Variants in PTPRN2 observed in about 807,000 individuals in gnomAD.
PTPRN2 encodes protein tyrosine phosphatase receptor type N2.
Under a neutral mutation model 118.8 loss-of-function variants are expected in PTPRN2, and 74 were observed. That is an observed-to-expected ratio of 0.62 (90% CI 0.52 to 0.76). PTPRN2 has a LOEUF of 0.76. PTPRN2 is among the 30% of genes least tolerant of loss of function. The pLI is 0.00. For missense variants in PTPRN2, 1,481 were observed against 1,394.4 expected, an observed-to-expected ratio of 1.06 and a Z score of -0.99; for synonymous variants, 641 against 608.0, an observed-to-expected ratio of 1.05 and a Z score of -0.80.
At chr7:157,758,769 C>G (rs74459896) in intron 12 of PTPRN2, among the ~76,000 whole-genome samples, 2 of 152,172 alleles carry the variant, frequency 1.3e-5, no homozygotes, top group Non-Finnish European at 2.9e-5. Flanking sequence ...CACGCTACCC[C>G]CCAACCCTTG....
At chr7:158,227,776 CCTT>C (rs1352462230) in intron 3 of PTPRN2, among the ~76,000 whole-genome samples, 3 of 152,188 alleles carry the variant, frequency 2.0e-5, no homozygotes, top group African/African-American at 7.2e-5. Flanking sequence ...AGGAAACACT[CCTT>C]AAGAAGATGA....
rs542573190 is a variant in PTPRN2, at chr7:158,526,283, G to A, written c.113-36498C>T. On this transcript the variant is annotated intron_variant, in intron 1 of 22. Coordinates refer to ENST00000389418, the MANE Select transcript of PTPRN2 (RefSeq NM_002847.5). This position sits in a 1 kb window ranked among gnomAD's most constrained non-coding sequence, Gnocchi z 5.2. ...GCCCTCCCTGCCCACCTGTGGCGGC[G>A]AAGGGAACTGACACCACTCCTTCCC... Among the ~76,000 whole-genome samples, 332 of 152,262 alleles carry A rather than the reference G, an allele frequency of 2.2e-3. 1 individual carries two copies. Among genetic ancestry groups the A allele is most frequent in the African/African-American group, 7.1e-3 (297 of 41,562 alleles).
chr7:158,200,256 A>G (rs1165673978), intron 4 of PTPRN2, among the ~76,000 whole-genome samples: 2 of 152,236 alleles, frequency 1.3e-5, no homozygotes, highest in African/African-American at 2.4e-5. Flanking sequence ...ACAAAAACAA[A>G]GAGGAAGCAG....
intron 11 of PTPRN2, among the ~76,000 whole-genome samples, chr7:157,979,624 T>C (rs1282883983): frequency 6.6e-6 from 1 of 152,186 alleles, no homozygotes; most frequent in Non-Finnish European, 1.5e-5. Context: ...AGAAGAGCCA[T>C]GCAGCCCGGC....
At chr7:158,327,891 C>T (rs1803784456) in intron 2 of PTPRN2, among the ~76,000 whole-genome samples, 1 of 152,160 alleles carries the variant, frequency 6.6e-6, no homozygotes, top group African/African-American at 2.4e-5. Flanking sequence ...CTTCTCAAAG[C>T]AGCACCACAG....
At chr7:158,166,861 C>T (rs573909302) in intron 6 of PTPRN2, 70 bp downstream of exon 6, 128 of 1,392,232 alleles carry the variant, frequency 9.2e-5, no homozygotes, top group Non-Finnish European at 1.1e-4. Flanking sequence ...GAGCATGGTG[C>T]GTCTGTCACT....
chr7:157,568,873 G>T lies in PTPRN2; in HGVS notation c.2902+29C>A, dbSNP rs768578494. The T allele has an allele frequency of 3.3e-6, 5 of 1,532,158 alleles. No individual in the cohort carries two copies. In the Admixed American group the frequency reaches 8.4e-5, roughly 26 times the overall value. The allele number at this position is 1,532,158 out of a possible 1,614,324, so 94.9% of individuals were successfully genotyped here. On this transcript the variant is annotated intron_variant, in intron 21 of 22. Coordinates refer to ENST00000389418, the MANE Select transcript of PTPRN2 (RefSeq NM_002847.5). ...AGCGACGCCATCCCAGCTCTGAGCC[G>T]CAACAAAGCGGCAGTGTCTGTGTCT...
chr7:157,719,129 T>G (rs900723087), intron 12 of PTPRN2, among the ~76,000 whole-genome samples: 2 of 152,082 alleles, frequency 1.3e-5, no homozygotes, highest in Non-Finnish European at 2.9e-5. Context: ...CATCTCCCAT[T>G]CCTGCCTCTC....
intron 10 of PTPRN2, among the ~76,000 whole-genome samples, chr7:158,109,908 G>C (rs1182478234): frequency 6.6e-6 from 1 of 152,040 alleles, no homozygotes; most frequent in African/African-American, 2.4e-5. Flanking sequence ...CCTGTGTGAA[G>C]AGTCAGTGAG....
At chr7:158,110,996 C>G in intron 9 of PTPRN2, 81 bp from the exon 10 acceptor site, 1 of 1,239,488 alleles carries the variant, frequency 8.1e-7, no homozygotes, top group East Asian at 2.5e-5. Flanking sequence ...GCCCCACAGC[C>G]CCGCTCCCTG....
At chr7:158,071,612 C>CCTG (rs766012678) in intron 11 of PTPRN2, among the ~76,000 whole-genome samples, 1 of 30,572 alleles carries the variant, frequency 3.3e-5, no homozygotes. Context: ...TGGAGGTGCT[C>CCTG]GTGGTGGAGG....
chr7:157,578,677 T>C (rs1800184820), intron 17 of PTPRN2, among the ~76,000 whole-genome samples: 1 of 152,246 alleles, frequency 6.6e-6, no homozygotes, highest in African/African-American at 2.4e-5. Context: ...TTAAAGCAAA[T>C]ACCAAATTGA....
intron 1 of PTPRN2, among the ~76,000 whole-genome samples, chr7:158,569,905 G>A (rs1277966433): frequency 6.6e-6 from 1 of 151,830 alleles, no homozygotes; most frequent in Non-Finnish European, 1.5e-5. Flanking sequence ...CTCGGGGCGC[G>A]AGGCCGCCTG....
At chr7:158,332,175 A>G (rs1304886106) in intron 2 of PTPRN2, among the ~76,000 whole-genome samples, 3 of 148,908 alleles carry the variant, frequency 2.0e-5, no homozygotes, top group Non-Finnish European at 4.4e-5. Context: ...TCACATCCAC[A>G]CTCTCACCAT....
intron 12 of PTPRN2, among the ~76,000 whole-genome samples, chr7:157,895,318 C>T (rs1033257441): frequency 6.7e-6 from 1 of 148,838 alleles, no homozygotes; most frequent in African/African-American, 2.5e-5. Context: ...AGGATCTGGA[C>T]GAGACCATAA....
chr7:158,087,525 T>C (rs190185993), intron 10 of PTPRN2, among the ~76,000 whole-genome samples: 6 of 152,308 alleles, frequency 3.9e-5, no homozygotes, highest in Admixed American at 6.5e-5. Flanking sequence ...GACTCCTATT[T>C]AGGGTGGAAG....
intron 14 of PTPRN2, among the ~76,000 whole-genome samples, chr7:157,646,825 G>A (rs1805112072): frequency 6.6e-6 from 1 of 152,262 alleles, no homozygotes; most frequent in Non-Finnish European, 1.5e-5. Flanking sequence ...GCAGCCACTG[G>A]GAGGTCAGAC....
chr7:158,424,153 A>T (rs917979165), intron 2 of PTPRN2, among the ~76,000 whole-genome samples: 2 of 152,118 alleles, frequency 1.3e-5, no homozygotes, highest in Non-Finnish European at 2.9e-5. Flanking sequence ...GTGCTCTGTG[A>T]CGTACACAAG....
intron 12 of PTPRN2, among the ~76,000 whole-genome samples, chr7:157,754,206 A>G (rs56284002): frequency 0.023 from 3,467 of 152,256 alleles, 72 homozygotes; most frequent in African/African-American, 0.053. Context: ...GTCCTGGGAG[A>G]AGCAAACTCA....
Sources: allele counts gnomAD v4.1 joint callset (sites outside exome capture counted in the v4.1 genomes callset), GRCh38; gene constraint gnomAD v4.1.1; non-coding constraint Gnocchi (gnomAD v3.1); transcripts MANE v1.5; gene names NCBI Gene and HGNC (gene_info 2026-07-23, HGNC 2026-07-21).